Variants in CHMP2B observed in about 807,000 individuals in gnomAD.
CHMP2B encodes the protein VPS2 homolog B.
In CHMP2B, 22 loss-of-function variants were observed where a neutral mutation model predicts 29.8. That is an observed-to-expected ratio of 0.74 (90% confidence interval 0.53 to 1.05). The LOEUF is 1.05. Among genes scored for constraint, CHMP2B ranks in the 50% least tolerant of loss-of-function variants. CHMP2B has a pLI of 0.00. For synonymous variants in CHMP2B, 78 were observed against 75.8 expected (o/e 1.03, Z -0.15); for missense variants, 261 against 252.2 (o/e 1.03, Z -0.24).
chr3:87,227,697 C>G, intron 1 of CHMP2B, 141 bp downstream of exon 1: 1 of 1,056,108 alleles, frequency 9.5e-7, no homozygotes, highest in Non-Finnish European at 1.5e-6. Flanking sequence ...CTCGCGGCAC[C>G]ACTTCTCTGC....
intron 1 of CHMP2B, among the ~76,000 whole-genome samples, chr3:87,239,741 G>A (rs1002938899): frequency 6.6e-6 from 1 of 152,092 alleles, no homozygotes; most frequent in Non-Finnish European, 1.5e-5. Context: ...GAATCCAAAT[G>A]AATTCAGATA....
intron 2 of CHMP2B, among the ~76,000 whole-genome samples, chr3:87,245,426 T>A (rs1316312392): frequency 6.6e-6 from 1 of 151,384 alleles, no homozygotes; most frequent in Non-Finnish European, 1.5e-5. Flanking sequence ...TTTTGGATAG[T>A]CTTTTTTTTT....
intron 1 of CHMP2B, among the ~76,000 whole-genome samples, chr3:87,232,719 T>G (rs1391686810): frequency 6.6e-6 from 1 of 152,180 alleles, no homozygotes; most frequent in Non-Finnish European, 1.5e-5. Context: ...CCTGTGAGGC[T>G]TTTCTTCCAG....
chr3:87,242,524 A>T (rs905785886), intron 2 of CHMP2B, among the ~76,000 whole-genome samples: 6 of 152,114 alleles, frequency 3.9e-5, no homozygotes, highest in African/African-American at 1.4e-4. Context: ...CTTTTAGTGT[A>T]CTAGCCACGA....
At chr3:87,251,457 A>G (rs1321848704) in intron 4 of CHMP2B, among the ~76,000 whole-genome samples, 3 of 151,992 alleles carry the variant, frequency 2.0e-5, no homozygotes, top group Admixed American at 2.0e-4. Context: ...CCCTTACTTA[A>G]TCAGATATCT....
At chr3:87,245,628 T>A in intron 2 of CHMP2B, 86 bp from the exon 3 acceptor site, 1 of 1,071,810 alleles carries the variant, frequency 9.3e-7, no homozygotes, top group Non-Finnish European at 1.4e-6. Context: ...GGGTCTGTTA[T>A]GTGTATTAGA....
At chr3:87,245,270 A>G (rs1253303071) in intron 2 of CHMP2B, among the ~76,000 whole-genome samples, 1 of 152,148 alleles carries the variant, frequency 6.6e-6, no homozygotes, top group African/African-American at 2.4e-5. Flanking sequence ...CTAATCCGAC[A>G]GTCTGTCTTA....
intron 3 of CHMP2B, among the ~76,000 whole-genome samples, chr3:87,249,483 A>G (rs1219833283): frequency 6.6e-6 from 1 of 152,008 alleles, no homozygotes; most frequent in African/African-American, 2.4e-5. Context: ...ATCTTTTTTA[A>G]TTTAGACATT....
intron 4 of CHMP2B, among the ~76,000 whole-genome samples, chr3:87,252,437 T>C (rs1469500376): frequency 6.6e-6 from 1 of 151,736 alleles, no homozygotes; most frequent in African/African-American, 2.4e-5. Flanking sequence ...ACAGAAGAAC[T>C]TATTCCTTCT....
At chr3:87,245,388 G>T (rs1426982055) in intron 2 of CHMP2B, among the ~76,000 whole-genome samples, 3 of 147,230 alleles carry the variant, frequency 2.0e-5, no homozygotes, top group Admixed American at 6.7e-5. Flanking sequence ...CTCTTTGCTT[G>T]TATGTTTTTT....
chr3:87,238,712 G>A (rs1468227102), intron 1 of CHMP2B, among the ~76,000 whole-genome samples: 2 of 151,992 alleles, frequency 1.3e-5, no homozygotes, highest in Non-Finnish European at 2.9e-5. Context: ...CTTTGTGATC[G>A]TTTGGGTTAT....
chr3:87,244,744 A>G (rs193239380), intron 2 of CHMP2B, among the ~76,000 whole-genome samples: 14 of 152,208 alleles, frequency 9.2e-5, no homozygotes, highest in African/African-American at 2.9e-4. Flanking sequence ...AATATGGAAT[A>G]CTTTGGTGAT....
chr3:87,239,365 C>T (rs1274638377), intron 1 of CHMP2B, among the ~76,000 whole-genome samples: 1 of 151,930 alleles, frequency 6.6e-6, no homozygotes. Flanking sequence ...TAAAGATTTA[C>T]TTCTATGTGT....
At chr3:87,233,152 A>G (rs1559605345) in intron 1 of CHMP2B, among the ~76,000 whole-genome samples, 1 of 152,252 alleles carries the variant, frequency 6.6e-6, no homozygotes, top group East Asian at 1.9e-4. Flanking sequence ...AGCTGTTGGC[A>G]TGATCCCCCT....
chr3:87,242,492 G>A (rs1309136339), intron 2 of CHMP2B, among the ~76,000 whole-genome samples: 1 of 151,974 alleles, frequency 6.6e-6, no homozygotes, highest in Non-Finnish European at 1.5e-5. Flanking sequence ...TCTGTGATTA[G>A]TACTTTTAGT....
At chr3:87,246,297 C>T (rs1200339239) in intron 3 of CHMP2B, among the ~76,000 whole-genome samples, 1 of 152,010 alleles carries the variant, frequency 6.6e-6, no homozygotes, top group Non-Finnish European at 1.5e-5. Context: ...ACCTCCACAC[C>T]TGGCTAATTT....
intron 1 of CHMP2B, among the ~76,000 whole-genome samples, chr3:87,236,584 G>T (rs562481007): frequency 4.6e-5 from 7 of 152,152 alleles, no homozygotes; most frequent in Middle Eastern, 6.8e-3. Context: ...GAGCATGGTG[G>T]CTCACACCTG....
At chr3:87,243,073 AC>A (rs1244370214) in intron 2 of CHMP2B, among the ~76,000 whole-genome samples, 1 of 152,156 alleles carries the variant, frequency 6.6e-6, no homozygotes, top group Non-Finnish European at 1.5e-5. Context: ...AGACATATTA[AC>A]ATTATGTCTT....
At chr3:87,240,551 C>A (rs888811880) in intron 1 of CHMP2B, 148 bp from the exon 2 acceptor site, 2 of 611,126 alleles carry the variant, frequency 3.3e-6, no homozygotes, top group African/African-American at 3.7e-5. Context: ...CTCAGGTGAT[C>A]CACCCAAAGT....
Sources: gnomAD v4.1 joint callset for allele counts (sites outside exome capture counted in the v4.1 genomes callset) on GRCh38, gnomAD v4.1.1 for gene constraint, MANE v1.5 for transcripts, NCBI Gene and HGNC (gene_info 2026-07-23, HGNC 2026-07-21) for gene names.